The following ASB4 variants were observed in gnomAD, a reference collection of about 807,000 sequenced individuals.
The protein encoded by ASB4 is ankyrin repeat and SOCS box containing 4.
ASB4 carries 35 observed loss-of-function variants against 38.6 expected under a neutral mutation model. That is an observed-to-expected ratio of 0.91 (90% CI 0.69 to 1.20). ASB4 has a LOEUF of 1.20. ASB4 is among the 50% of genes most tolerant of loss of function. The pLI, the probability that ASB4 is intolerant of heterozygous loss-of-function variation, is 0.00. For synonymous variants in ASB4, 195 were observed against 201.3 expected, an observed-to-expected ratio of 0.97 and a Z score of 0.26; for missense variants, 557 against 527.2, an observed-to-expected ratio of 1.06 and a Z score of -0.55.
intron 2 of ASB4, among the ~76,000 whole-genome samples, chr7:95,500,108 G>GT (rs1166893464): frequency 6.6e-6 from 1 of 151,974 alleles, no homozygotes; most frequent in Non-Finnish European, 1.5e-5. Context: ...AGTTCGGATG[G>GT]TTTTTCCCCT....
chr7:95,500,090 G>A (rs1365390996), intron 2 of ASB4, among the ~76,000 whole-genome samples: 2 of 152,030 alleles, frequency 1.3e-5, no homozygotes, highest in African/African-American at 2.4e-5. Context: ...ATGGTGCTAC[G>A]ATGAGGGAGT....
intron 2 of ASB4, among the ~76,000 whole-genome samples, chr7:95,524,287 T>C (rs1790706414): frequency 6.6e-6 from 1 of 152,142 alleles, no homozygotes; most frequent in South Asian, 2.1e-4. Flanking sequence ...AAGACAGACA[T>C]AATAAAATGA....
upstream of ASB4, among the ~76,000 whole-genome samples, chr7:95,484,040 A>G (rs1259980112): frequency 6.6e-6 from 1 of 151,804 alleles, no homozygotes; most frequent in Non-Finnish European, 1.5e-5. Context: ...AAAAAAAAAA[A>G]AAAATTGTCA....
chr7:95,544,091 C>T (rs1791004109), downstream of ASB4: 1 of 151,920 alleles, frequency 6.6e-6, no homozygotes, highest in African/African-American at 2.4e-5. Flanking sequence ...TAAAACACTC[C>T]AATCATATGG....
upstream of ASB4, among the ~76,000 whole-genome samples, chr7:95,476,348 C>T (rs1789976047): frequency 6.6e-6 from 1 of 152,208 alleles, no homozygotes; most frequent in Admixed American, 6.5e-5. Context: ...GTATTGCATG[C>T]TTGTCCCAAA....
intron 2 of ASB4, among the ~76,000 whole-genome samples, chr7:95,515,161 CTCTTTCTCTTTCTT>C (rs1376169175): frequency 1.9e-3 from 241 of 125,910 alleles, no homozygotes; most frequent in Middle Eastern, 4.4e-3. Flanking sequence ...TTCTTTCTTT[CTCTTTCTCTTTCTT>C]TCTTTCTTTC....
At position 95,539,628 on chromosome 7, in the gene ASB4, AGGAAT is replaced by A. The variant is rs1204366342; in HGVS notation, c.*1874_*1878del. The A allele has an allele frequency of 5.5e-4, 89 of 160,778 alleles. 1 individual carries two copies. The highest frequency in any genetic ancestry group is 2.0e-3 in the African/African-American group (84 of 41,756). The allele number at this position is 160,778 out of a possible 1,614,324, so 10.0% of individuals were successfully genotyped here. Reference sequence around the variant, plus strand: ...GCCATTATTCTAAGTGAAGTAACTCAGGAATGGAAAGTGAAATACCATATGTTCTC... The same window carrying A: ...GCCATTATTCTAAGTGAAGTAACTCAGGAAAGTGAAATACCATATGTTCTC... On this transcript the variant is annotated 3_prime_UTR_variant, in exon 5 of 5. Transcript: ENST00000325885.
At chr7:95,520,444 T>G (rs1424304325) in intron 2 of ASB4, among the ~76,000 whole-genome samples, 2 of 152,192 alleles carry the variant, frequency 1.3e-5, no homozygotes, top group East Asian at 1.9e-4. Context: ...GTTTCAGATC[T>G]CATAGAAGGC....
At chr7:95,532,843 G>A (rs1790837977) in intron 3 of ASB4, among the ~76,000 whole-genome samples, 1 of 152,242 alleles carries the variant, frequency 6.6e-6, no homozygotes, top group East Asian at 1.9e-4. Context: ...CTCCATGAAG[G>A]GAGAATAAGA....
In ASB4 at chr7:95,527,746, T is replaced by C. The variant is rs1790758580; in HGVS notation, c.488-67T>C. 22 of 1,432,298 alleles carry C rather than the reference T, an allele frequency of 1.5e-5. No homozygotes were observed. The South Asian group carries it at 2.9e-4, about 19-fold the overall frequency. The allele number at this position is 1,432,298 out of a possible 1,614,324, so 88.7% of individuals were successfully genotyped here. A position where few individuals can be genotyped will look rare whatever the true frequency, so the allele number is the denominator to read the frequency against. ...AGAGAAGCAGTGAGAAAAGTCTTGT[T>C]TAATGAACCTTAGGAATAATGACAA... On this transcript the variant is annotated intron_variant, in intron 2 of 4. Transcript: ENST00000325885.
rs766559083 is a variant in ASB4, at chr7:95,486,077, A to G, written c.106A>G (p.Ile36Val). The part of the protein sequence containing the change: ...KSNDFGKLKA[I>V]LIQRQIDVDT... ...CAATGACTTCGGAAAATTGAAGGCT[A>G]TTTTGATCCAAAGGCAAATAGATGT... is the stretch of plus-strand genomic sequence containing the variant. The change falls in exon 1 of 5, where the codon ATT becomes GTT. Residue 36 changes from isoleucine to valine, a missense_variant. By Grantham distance (29) the Ile-to-Val change is conservative. Coordinates refer to ENST00000325885, the MANE Select transcript of ASB4 (RefSeq NM_016116.3). 1 of 1,614,060 alleles carries G rather than the reference A, an allele frequency of 6.2e-7. No homozygotes were observed. The highest frequency in any genetic ancestry group is 8.5e-7 in the Non-Finnish European group (1 of 1,180,014).
intron 2 of ASB4, among the ~76,000 whole-genome samples, chr7:95,524,270 G>A (rs1412493881): frequency 1.3e-5 from 2 of 152,138 alleles, no homozygotes; most frequent in African/African-American, 4.8e-5. Flanking sequence ...TGGATTACTC[G>A]TGCTAAAAGA....
chr7:95,479,776 G>C (rs1331043095), intron 1 of ASB4, among the ~76,000 whole-genome samples: 2 of 152,162 alleles, frequency 1.3e-5, no homozygotes, highest in Non-Finnish European at 2.9e-5. Context: ...AATTGGACTT[G>C]GGTTCAAGAA....
In ASB4 at chr7:95,537,700, T is replaced by C; in HGVS notation, c.1222T>C (p.Ser408Pro). The C allele has an allele frequency of 6.8e-6, 11 of 1,613,944 alleles. No homozygotes were observed. Among genetic ancestry groups the C allele is most frequent in the Non-Finnish European group, 9.3e-6 (11 of 1,179,856 alleles). The change falls in exon 5 of 5, where the codon TCC (serine) becomes CCC (proline). Residue 408 changes from serine (S) to proline (P), a missense_variant. Physicochemically the swap from Ser to Pro is moderately conservative, Grantham distance 74. Coordinates refer to ENST00000325885, the MANE Select transcript of ASB4 (RefSeq NM_016116.3). ...ATGCCATAGAGCAATTCCTTTGCTTTCCCTCCCATTGTCATTGAAAAAGTA... is the reference window on the plus strand; with the variant it reads ...ATGCCATAGAGCAATTCCTTTGCTTCCCCTCCCATTGTCATTGAAAAAGTA... ...NRCHRAIPLL[S>P]LPLSLKKYLL...
At chr7:95,483,945 G>A (rs1356192279), upstream of ASB4, among the ~76,000 whole-genome samples, 1 of 151,264 alleles carries the variant, frequency 6.6e-6, no homozygotes, top group Non-Finnish European at 1.5e-5. Context: ...TTCCATATAT[G>A]GCTCTTTTTG....
intron 2 of ASB4, among the ~76,000 whole-genome samples, chr7:95,523,094 A>G (rs1034612003): frequency 6.6e-6 from 1 of 152,210 alleles, no homozygotes; most frequent in African/African-American, 2.4e-5. Flanking sequence ...AAGAATGTCA[A>G]TTCTTCCTAA....
the ASB4 span, among the ~76,000 whole-genome samples, chr7:95,473,222 C>T: frequency 0.33 from 50,430 of 152,090 alleles, 9,042 homozygotes; most frequent in Non-Finnish European, 0.4. Context: ...GGAGACCTGT[C>T]GGATTGCACT....
chr7:95,507,945 G>T (rs554841834), intron 2 of ASB4, among the ~76,000 whole-genome samples: 2 of 152,284 alleles, frequency 1.3e-5, no homozygotes, highest in African/African-American at 2.4e-5. Context: ...AGAAGTCAGA[G>T]TGGGGGGGAT....
At chr7:95,486,197 A>G (rs1282776525) in intron 1 of ASB4, 39 bp downstream of exon 1, 1 of 1,540,992 alleles carries the variant, frequency 6.5e-7, no homozygotes, top group African/African-American at 1.4e-5. Flanking sequence ...CTGTTAGAAA[A>G]TGATTTAAAA....
Sources: gnomAD v4.1 joint callset for allele counts (sites outside exome capture counted in the v4.1 genomes callset) on GRCh38, gnomAD v4.1.1 for gene constraint, MANE v1.5 for transcripts, NCBI Gene and HGNC (gene_info 2026-07-23, HGNC 2026-07-21) for gene names.